The following OR5H1 variants were observed in gnomAD, a reference collection of about 807,000 sequenced individuals.
OR5H1 encodes the protein olfactory receptor family 5 subfamily H member 1, also known as olfactory receptor 5H1.
For synonymous variants in OR5H1, 124 were observed against 134.4 expected, an observed-to-expected ratio of 0.92 and a Z score of 0.54; for missense variants, 378 against 366.8, an observed-to-expected ratio of 1.03 and a Z score of -0.25.
intron 1 of OR5H1, among the ~76,000 whole-genome samples, chr3:98,131,553 C>T (rs919515837): frequency 6.6e-6 from 1 of 151,792 alleles, no homozygotes; most frequent in African/African-American, 2.4e-5. Context: ...AAAAGGAGAT[C>T]ACACCTTGGC....
Position 98,137,827 on chromosome 3 carries a change from T to C in OR5H1, c.*4188T>C, listed in dbSNP as rs181272995. 6.6e-6 allele frequency: 1 copy of C among 152,350 alleles called. No individual in the cohort carries two copies. Among genetic ancestry groups the C allele is most frequent in the East Asian group, 1.9e-4 (1 of 5,190 alleles). 9.4% of individuals were successfully genotyped at this position (152,350 alleles called of 1,614,324 possible). On this transcript the variant is annotated 3_prime_UTR_variant, in exon 2 of 2. Coordinates refer to ENST00000641874, the MANE Select transcript of OR5H1 (RefSeq NM_001005338.2). Reference sequence around the variant, plus strand: ...AGGTATTTTTAAGTAGACTTCTTATTAAACATAATTATGGTTTAAAAGTTC... The same window carrying C: ...AGGTATTTTTAAGTAGACTTCTTATCAAACATAATTATGGTTTAAAAGTTC...
In OR5H1 at chr3:98,137,645, C is replaced by A. The variant is rs376527371; in HGVS notation, c.*4006C>A. ...AAAGTGAACCCAAATATCTTTGTTT[C>A]TTCTGTAATAAGAAGTCCAAAATAG... On this transcript the variant is annotated 3_prime_UTR_variant, in exon 2 of 2. Transcript: ENST00000641874. 4 of 152,076 alleles carry A rather than the reference C, an allele frequency of 2.6e-5. No homozygotes were observed. Among genetic ancestry groups the A allele is most frequent in the African/African-American group, 9.7e-5 (4 of 41,432 alleles). 9.4% of individuals were successfully genotyped at this position (152,076 alleles called of 1,614,324 possible).
At position 98,138,390 on chromosome 3, in the gene OR5H1, C is replaced by T. The variant is rs1305703968; in HGVS notation, c.*4751C>T. The T allele has an allele frequency of 2.0e-5, 3 of 152,184 alleles. No individual in the cohort carries two copies. Among genetic ancestry groups the T allele is most frequent in the Non-Finnish European group, 2.9e-5 (2 of 68,034 alleles). The allele number at this position is 152,184 out of a possible 1,614,324, so 9.4% of individuals were successfully genotyped here. A position where few individuals can be genotyped will look rare whatever the true frequency, so the allele number is the denominator to read the frequency against. On this transcript the variant is annotated 3_prime_UTR_variant, in exon 2 of 2. Coordinates refer to ENST00000641874, the MANE Select transcript of OR5H1 (RefSeq NM_001005338.2). ...CCTGGTTTCGGGTCTGGTTCCTAGA[C>T]GCCAGGCTACCTGCCTTTAGTTTCA...
chr3:98,132,437 G>A (rs917954529), intron 1 of OR5H1, among the ~76,000 whole-genome samples: 4 of 152,008 alleles, frequency 2.6e-5, no homozygotes, highest in African/African-American at 9.7e-5. Flanking sequence ...CCATATAAAT[G>A]TTGTGCATAC....
At position 98,136,133 on chromosome 3, in the gene OR5H1, A is replaced by C. The variant is rs199521279; in HGVS notation, c.*2494A>C. 6.6e-6 allele frequency: 1 copy of C among 152,168 alleles called. No homozygotes were observed. Among genetic ancestry groups the C allele is most frequent in the Non-Finnish European group, 1.5e-5 (1 of 68,026 alleles). The allele number at this position is 152,168 out of a possible 1,614,324, so 9.4% of individuals were successfully genotyped here. A position where few individuals can be genotyped will look rare whatever the true frequency, so the allele number is the denominator to read the frequency against. Reference sequence around the variant, plus strand: ...ACTGGAATTTAATTATGGGTGCGCTATATTTTTCTACTGAAACATGATTTT... The same window carrying C: ...ACTGGAATTTAATTATGGGTGCGCTCTATTTTTCTACTGAAACATGATTTT... On this transcript the variant is annotated 3_prime_UTR_variant, in exon 2 of 2. Transcript: ENST00000641874.
chr3:98,131,502 C>A (rs1708254723), intron 1 of OR5H1, among the ~76,000 whole-genome samples: 1 of 151,478 alleles, frequency 6.6e-6, no homozygotes, highest in African/African-American at 2.4e-5. Context: ...GTTCTTTTGG[C>A]AGTATGTTAC....
In OR5H1 at chr3:98,132,995, C is replaced by A. The variant is rs1414791348; in HGVS notation, c.298C>A (p.Gln100Lys). 1.3e-5 allele frequency: 21 copies of A among 1,613,550 alleles called. No homozygotes were observed. Among genetic ancestry groups the A allele is most frequent in the Non-Finnish European group, 1.7e-5 (20 of 1,179,606 alleles). ...GATATCTCTCTCTGAATGCAAGATA[C>A]AGTTTTTTTCGTTTGCAATCAGTGT... Reference protein sequence around the residue: ...KMISLSECKIQFFSFAISVTT... With the variant: ...KMISLSECKIKFFSFAISVTT... Residue 100 changes from glutamine to lysine, a missense_variant, in exon 2 of 2, where the codon CAG becomes AAG. Transcript: ENST00000641874.
rs1708309602 is a variant in OR5H1 at position 98,135,668 on chromosome 3, A to T, written c.*2029A>T. On this transcript the variant is annotated 3_prime_UTR_variant, in exon 2 of 2. Coordinates refer to ENST00000641874, the MANE Select transcript of OR5H1 (RefSeq NM_001005338.2). ...TTTAAAACTCTTGAGAGAATACAAC[A>T]CACCAAGAAGATGACAATGACTATC... 1 of 152,234 alleles carries T rather than the reference A, an allele frequency of 6.6e-6. No individual in the cohort carries two copies. The highest frequency in any genetic ancestry group is 1.5e-5 in the Non-Finnish European group (1 of 68,044). The allele number at this position is 152,234 out of a possible 1,614,324, so 9.4% of individuals were successfully genotyped here.
Position 98,130,733 on chromosome 3 carries a change from G to T in OR5H1, c.-136G>T, listed in dbSNP as rs1708245486. 6.6e-6 allele frequency: 1 copy of T among 152,106 alleles called. No individual in the cohort carries two copies. The highest frequency in any genetic ancestry group is 2.1e-4 in the South Asian group (1 of 4,826). 9.4% of individuals were successfully genotyped at this position (152,106 alleles called of 1,614,324 possible). A position where few individuals can be genotyped will look rare whatever the true frequency, so the allele number is the denominator to read the frequency against. On this transcript the variant is annotated 5_prime_UTR_variant, in exon 1 of 2. Transcript: ENST00000641874. ...GCTTGGAAAAAGAAACCTTCAAAAAGAATGAATATGCCATGAATGGCTACC... is the reference window on the plus strand; with the variant it reads ...GCTTGGAAAAAGAAACCTTCAAAAATAATGAATATGCCATGAATGGCTACC...
In OR5H1 at chr3:98,133,906, A is replaced by C. The variant is rs966501656; in HGVS notation, c.*267A>C. ...TGTATATGTTATTCAATGTGCATTTATAAATGCATTAATTGCTAAAATAGC... is the reference window on the plus strand; with the variant it reads ...TGTATATGTTATTCAATGTGCATTTCTAAATGCATTAATTGCTAAAATAGC... On this transcript the variant is annotated 3_prime_UTR_variant, in exon 2 of 2. Transcript: ENST00000641874. 1 of 320,740 alleles carries C rather than the reference A, an allele frequency of 3.1e-6. No individual in the cohort carries two copies. The highest frequency in any genetic ancestry group is 2.2e-5 in the African/African-American group (1 of 46,290). The allele number at this position is 320,740 out of a possible 1,614,324, so 19.9% of individuals were successfully genotyped here. A position where few individuals can be genotyped will look rare whatever the true frequency, so the allele number is the denominator to read the frequency against.
chr3:98,135,205 A>T lies in OR5H1; in HGVS notation c.*1566A>T, dbSNP rs1708304627. ...GCTTTTACAGGGCAAATGTGAAAGT[A>T]TGGCAAAAGTAAAGATTGTATTGGT... is the stretch of plus-strand genomic sequence containing the variant. On this transcript the variant is annotated 3_prime_UTR_variant, in exon 2 of 2. Transcript: ENST00000641874. 6.6e-6 allele frequency: 1 copy of T among 152,176 alleles called. No homozygotes were observed. The highest frequency in any genetic ancestry group is 1.5e-5 in the Non-Finnish European group (1 of 68,002). 9.4% of individuals were successfully genotyped at this position (152,176 alleles called of 1,614,324 possible).
Position 98,133,057 on chromosome 3 carries a change from T to A in OR5H1, c.360T>A (p.Tyr120Ter). The A allele has an allele frequency of 6.2e-7, 1 of 1,613,666 alleles. No individual in the cohort carries two copies. Among genetic ancestry groups the A allele is most frequent in the Non-Finnish European group, 8.5e-7 (1 of 1,179,688 alleles). Residue 120 changes from tyrosine to a stop codon, truncating the protein, a stop_gained, in exon 2 of 2, where the codon TAT (tyrosine) becomes TAA (stop). Coordinates refer to ENST00000641874, the MANE Select transcript of OR5H1 (RefSeq NM_001005338.2). LOFTEE classifies it low-confidence loss of function (END_TRUNC). ...TECFLLATMA[Y>*]DRYVAICKPL... ...GTTTTCTCTTGGCAACGATGGCATA[T>A]GATCGCTATGTAGCCATATGCAAAC... is the stretch of plus-strand genomic sequence containing the variant.
rs1708286639 is a variant in OR5H1 at position 98,133,721 on chromosome 3, T to C, written c.*82T>C. ...TGTTGTTTCCAGTGTTCAAACATTT[T>C]TGCAAGTACAACTGTTCTAGCACTT... On this transcript the variant is annotated 3_prime_UTR_variant, in exon 2 of 2. Transcript: ENST00000641874. 31 of 1,175,492 alleles carry C rather than the reference T, an allele frequency of 2.6e-5. No homozygotes were observed. The highest frequency in any genetic ancestry group is 3.4e-5 in the Non-Finnish European group (28 of 816,582). 72.8% of individuals were successfully genotyped at this position (1,175,492 alleles called of 1,614,324 possible).
chr3:98,130,941 C>A (rs1708249108), intron 1 of OR5H1, 91 bp downstream of exon 1: 1 of 151,960 alleles, frequency 6.6e-6, no homozygotes, highest in Non-Finnish European at 1.5e-5. Context: ...GATTGGGTAA[C>A]AAGTTGTCAT....
Position 98,134,973 on chromosome 3 carries a change from CTT to C in OR5H1, c.*1335_*1336del, listed in dbSNP as rs1708301949. 6.6e-6 allele frequency: 1 copy of C among 151,992 alleles called. No homozygotes were observed. Among genetic ancestry groups the C allele is most frequent in the South Asian group, 2.1e-4 (1 of 4,826 alleles). The allele number at this position is 151,992 out of a possible 1,614,324, so 9.4% of individuals were successfully genotyped here. A position where few individuals can be genotyped will look rare whatever the true frequency, so the allele number is the denominator to read the frequency against. ...TTATATGCATGTATGTTTTAGGTAT[CTT>C]ATATCTATATGTATACATATGCATA... On this transcript the variant is annotated 3_prime_UTR_variant, in exon 2 of 2. Transcript: ENST00000641874.
chr3:98,130,969 T>C (rs1192415460), intron 1 of OR5H1, 119 bp downstream of exon 1: 1 of 152,116 alleles, frequency 6.6e-6, no homozygotes, highest in Non-Finnish European at 1.5e-5. Flanking sequence ...AGTCAGAAAC[T>C]GGATGACTCT....
rs1439254176 is a variant in OR5H1, at chr3:98,137,235, T to G, written c.*3596T>G. On this transcript the variant is annotated 3_prime_UTR_variant, in exon 2 of 2. Coordinates refer to ENST00000641874, the MANE Select transcript of OR5H1 (RefSeq NM_001005338.2). Reference sequence around the variant, plus strand: ...AGGAGAAGAAGGTAAACGTATTAATTCTGTTTACAAAAGGTATACTTGGCC... The same window carrying G: ...AGGAGAAGAAGGTAAACGTATTAATGCTGTTTACAAAAGGTATACTTGGCC... The G allele has an allele frequency of 6.6e-6, 1 of 152,220 alleles. No individual in the cohort carries two copies. Among genetic ancestry groups the G allele is most frequent in the Admixed American group, 6.5e-5 (1 of 15,284 alleles). The allele number at this position is 152,220 out of a possible 1,614,324, so 9.4% of individuals were successfully genotyped here.
chr3:98,133,342 T>G lies in OR5H1; in HGVS notation c.645T>G (p.Leu215=), dbSNP rs367638634. 1.7e-5 allele frequency: 28 copies of G among 1,613,414 alleles called. No individual in the cohort carries two copies. The highest frequency in any genetic ancestry group is 2.2e-5 in the East Asian group (1 of 44,844). The part of the protein sequence containing the change: ...SIQVFSIVTI[L]VSYTFVLFAI... ...AGGTATTCAGCATTGTGACTATTCT[T>G]GTATCTTATACATTTGTTCTCTTCG... Residue 215 remains leucine (L), a synonymous_variant, in exon 2 of 2, where the codon CTT becomes CTG. Transcript: ENST00000641874.
Position 98,133,186 on chromosome 3 carries a change from A to G in OR5H1, c.489A>G (p.Leu163=). ...ATGCTTTAATCCATGAAGGATTTTTATTCAGACTAACCTTCTGTAACTCCA... is the reference window on the plus strand; with the variant it reads ...ATGCTTTAATCCATGAAGGATTTTTGTTCAGACTAACCTTCTGTAACTCCA... ...ILHALIHEGF[L]FRLTFCNSNI... is the part of the protein sequence containing the mutation. Residue 163 remains leucine, a synonymous_variant, in exon 2 of 2, where the codon TTA becomes TTG. Coordinates refer to ENST00000641874, the MANE Select transcript of OR5H1 (RefSeq NM_001005338.2). The G allele has an allele frequency of 6.2e-7, 1 of 1,613,004 alleles. No individual in the cohort carries two copies. Among genetic ancestry groups the G allele is most frequent in the Non-Finnish European group, 8.5e-7 (1 of 1,179,532 alleles).
Sources: allele counts gnomAD v4.1 joint callset (sites outside exome capture counted in the v4.1 genomes callset), GRCh38; gene constraint gnomAD v4.1.1; transcripts MANE v1.5; gene names NCBI Gene and HGNC (gene_info 2026-07-23, HGNC 2026-07-21).